FMN1: variants seen among roughly 807,000 people sequenced by gnomAD.
FMN1 encodes formin-1.
Under a neutral mutation model 132.4 loss-of-function variants are expected in FMN1, and 110 were observed. The ratio of observed to expected loss-of-function variants is 0.83; its 90% CI spans 0.71 to 0.97. The LOEUF (loss-of-function observed/expected upper bound fraction) is 0.97, where lower values mean the gene tolerates loss of function less well. FMN1 is among the 50% of genes least tolerant of loss of function. The pLI is 0.00. For missense variants in FMN1, 1,792 were observed against 1,705.3 expected, an observed-to-expected ratio of 1.05 and a Z score of -0.90; for synonymous variants, 722 against 651.7, an observed-to-expected ratio of 1.11 and a Z score of -1.64.
chr15:33,103,946 C>A (rs2039387799), intron 4 of FMN1, among the ~76,000 whole-genome samples: 1 of 152,060 alleles, frequency 6.6e-6, no homozygotes, highest in African/African-American at 2.4e-5. Context: ...CCAGAAAATA[C>A]AGCTCCAATT....
chr15:33,193,342 T>C (rs958271816), intron 2 of FMN1, among the ~76,000 whole-genome samples: 7 of 152,188 alleles, frequency 4.6e-5, no homozygotes, highest in African/African-American at 1.4e-4. Flanking sequence ...GCAACGGCTG[T>C]TGAATCCCAT....
intron 3 of FMN1, among the ~76,000 whole-genome samples, chr15:33,163,481 A>T (rs1207535607): frequency 2.0e-5 from 3 of 149,624 alleles, no homozygotes; most frequent in Non-Finnish European, 4.4e-5. Context: ...TTTAGTAGAG[A>T]GGGGGTTTCT....
intron 6 of FMN1, chr15:33,012,929 AT>A: frequency 1.9e-6 from 1 of 518,102 alleles, no homozygotes; most frequent in South Asian, 1.5e-5. Context: ...CGGTCTTCAA[AT>A]TTTTGATCCA....
chr15:32,956,282 T>C (rs1277271740), intron 9 of FMN1, among the ~76,000 whole-genome samples: 1 of 152,082 alleles, frequency 6.6e-6, no homozygotes, highest in Non-Finnish European at 1.5e-5. Context: ...AGAAACATGG[T>C]TGAACTCCAA....
intron 14 of FMN1, 80 bp downstream of exon 14, chr15:32,899,899 C>T: frequency 7.2e-7 from 1 of 1,398,080 alleles, no homozygotes. Flanking sequence ...ATGGAACAAT[C>T]TGGAATACGT....
chr15:33,127,411 G>C (rs1030082086), intron 4 of FMN1, among the ~76,000 whole-genome samples: 9 of 152,114 alleles, frequency 5.9e-5, no homozygotes, highest in African/African-American at 2.2e-4. Flanking sequence ...GGATGGACCA[G>C]AACAACTATT....
chr15:32,967,153 T>C (rs948205162), intron 8 of FMN1, among the ~76,000 whole-genome samples: 3 of 152,234 alleles, frequency 2.0e-5, no homozygotes, highest in Admixed American at 6.5e-5. Context: ...CAGTATTCAA[T>C]TGCTTTTCTT....
At chr15:33,072,342 C>T (rs1248638838) in intron 5 of FMN1, among the ~76,000 whole-genome samples, 2 of 152,120 alleles carry the variant, frequency 1.3e-5, no homozygotes, top group Non-Finnish European at 2.9e-5. Flanking sequence ...CCAGAGCCTC[C>T]TGTGGGACTT....
chr15:32,766,594 T>C lies in FMN1; in HGVS notation c.*7716A>G, dbSNP rs1371412277. 1 of 143,000 alleles carries C rather than the reference T, an allele frequency of 7.0e-6. No homozygotes were observed. The highest frequency in any genetic ancestry group is 2.6e-5 in the African/African-American group (1 of 38,068). 8.9% of individuals were successfully genotyped at this position (143,000 alleles called of 1,614,324 possible). A position where few individuals can be genotyped will look rare whatever the true frequency, so the allele number is the denominator to read the frequency against. ...AAAAAGAGACGTATTTTCCATCTCT[T>C]TTATGGATTTTCCTTTTTGCTTAAG... is the stretch of plus-strand genomic sequence containing the variant. On this transcript the variant is annotated 3_prime_UTR_variant, in exon 21 of 21. Transcript: ENST00000616417.
At chr15:32,789,362 A>G (rs1393736462) in intron 19 of FMN1, among the ~76,000 whole-genome samples, 1 of 152,252 alleles carries the variant, frequency 6.6e-6, no homozygotes, top group Non-Finnish European at 1.5e-5. Context: ...TATGTGATCA[A>G]TAAATTTTTC....
In FMN1 at chr15:33,088,799, A is replaced by G. The variant is rs2291065; in HGVS notation, c.2043T>C (p.His681=). ...SNRSELYLDL[H]PDHSLTEQDD... is the part of the protein sequence containing the mutation. ...CACAATCACCAAGATTTCTACTTAC[A>G]TGGAGATCCAAGTACAATTCGCTCC... Residue 681 remains histidine, a splice_region_variant and synonymous_variant, in exon 5 of 21, where the codon CAT becomes CAC. Transcript: ENST00000616417. The G allele has an allele frequency of 6.5e-7, 1 of 1,533,374 alleles. No homozygotes were observed. The highest frequency in any genetic ancestry group is 1.2e-5 in the South Asian group (1 of 83,644). 95.0% of individuals were successfully genotyped at this position (1,533,374 alleles called of 1,614,324 possible). A position where few individuals can be genotyped will look rare whatever the true frequency, so the allele number is the denominator to read the frequency against.
chr15:32,904,263 C>T (rs780915002), intron 12 of FMN1, among the ~76,000 whole-genome samples: 8 of 152,064 alleles, frequency 5.3e-5, no homozygotes, highest in Non-Finnish European at 1.0e-4. Context: ...GTGATGCTCA[C>T]GCACAACATG....
chr15:32,796,585 A>G (rs1407086733), intron 19 of FMN1, among the ~76,000 whole-genome samples: 3 of 152,222 alleles, frequency 2.0e-5, no homozygotes, highest in Non-Finnish European at 1.5e-5. Flanking sequence ...AATAGATGTC[A>G]AAACAAAGCA....
In FMN1 at chr15:32,969,590, G is replaced by A. The variant is rs999464026; in HGVS notation, c.2224-113C>T. 1.7e-5 allele frequency: 20 copies of A among 1,173,226 alleles called. No individual in the cohort carries two copies. In the African/African-American group the frequency reaches 2.9e-4, roughly 17 times the overall value. The allele number at this position is 1,173,226 out of a possible 1,614,324, so 72.7% of individuals were successfully genotyped here. ...CCACTGTAGCATGGCCCACATAAAT[G>A]CAGGGAAATACAGAGACATTCTTTT... On this transcript the variant is annotated intron_variant, in intron 7 of 20. Transcript: ENST00000616417.
At chr15:33,009,450 T>C (rs2034590243) in intron 6 of FMN1, among the ~76,000 whole-genome samples, 1 of 152,202 alleles carries the variant, frequency 6.6e-6, no homozygotes, top group Non-Finnish European at 1.5e-5. Context: ...GGTTCCTACA[T>C]ATCTCTCCCT....
At chr15:33,064,083 T>C (rs1020171555) in intron 6 of FMN1, 2 of 152,170 alleles carry the variant, frequency 1.3e-5, no homozygotes, top group Admixed American at 6.5e-5. Flanking sequence ...TTTGATATTA[T>C]GGAAAAACCT....
chr15:33,155,214 A>G (rs1219957125), intron 3 of FMN1, among the ~76,000 whole-genome samples, 169 bp from the exon 4 acceptor site: 1 of 151,814 alleles, frequency 6.6e-6, no homozygotes, highest in Non-Finnish European at 1.5e-5. Context: ...CTCCCACCCT[A>G]CTCCTGATCA....
intron 3 of FMN1, among the ~76,000 whole-genome samples, chr15:33,159,818 AAAG>A (rs1325655987): frequency 1.3e-5 from 2 of 152,238 alleles, no homozygotes; most frequent in African/African-American, 2.4e-5. Flanking sequence ...TCAAGAATAG[AAAG>A]AAGTTTTCTT....
chr15:32,914,590 T>C (rs959869715), intron 10 of FMN1, among the ~76,000 whole-genome samples: 2 of 152,138 alleles, frequency 1.3e-5, no homozygotes, highest in Non-Finnish European at 2.9e-5. Context: ...GAGGAGTAAA[T>C]TGGACAAAAT....
Sources: gnomAD v4.1 joint callset for allele counts (sites outside exome capture counted in the v4.1 genomes callset) on GRCh38, gnomAD v4.1.1 for gene constraint, MANE v1.5 for transcripts, NCBI Gene and HGNC (gene_info 2026-07-23, HGNC 2026-07-21) for gene names.